The following LIN52 variants were observed in gnomAD, a reference collection of about 807,000 sequenced individuals.
LIN52 encodes protein lin-52 homolog.
LIN52 carries 4 observed loss-of-function variants against 18.5 expected under a neutral mutation model. The observed-to-expected ratio is 0.22, with a 90% CI of 0.11 to 0.49. LIN52 has a LOEUF of 0.49. Ranked by LOEUF, LIN52 falls within the 20% of genes least tolerant of loss-of-function variation. The pLI, the probability that LIN52 is intolerant of heterozygous loss-of-function variation, is 0.97. For synonymous variants in LIN52, 34 were observed against 45.5 expected (o/e 0.75, Z 1.02); for missense variants, 102 against 139.5 (o/e 0.73, Z 1.35).
At chr14:74,125,382 T>G (rs1697149880) in intron 5 of LIN52, among the ~76,000 whole-genome samples, 1 of 152,238 alleles carries the variant, frequency 6.6e-6, no homozygotes, top group South Asian at 2.1e-4. Flanking sequence ...ATGAGCATTT[T>G]TTCATGTGTC....
chr14:74,157,785 C>G (rs1363357048), intron 5 of LIN52, among the ~76,000 whole-genome samples: 1 of 152,124 alleles, frequency 6.6e-6, no homozygotes, highest in Non-Finnish European at 1.5e-5. Context: ...CAGGCTTTCA[C>G]AAAGTGCCTT....
chr14:74,171,494 A>G (rs943112333), intron 5 of LIN52, among the ~76,000 whole-genome samples: 4 of 152,072 alleles, frequency 2.6e-5, no homozygotes. Context: ...TTTAATCTAC[A>G]AAAAATTTTA....
At chr14:74,100,314 C>CT (rs2060844551) in intron 4 of LIN52, among the ~76,000 whole-genome samples, 1 of 151,766 alleles carries the variant, frequency 6.6e-6, no homozygotes, top group African/African-American at 2.4e-5. Flanking sequence ...TTATTTTTTT[C>CT]TTTTTTTATT....
intron 1 of LIN52, 108 bp from the exon 2 acceptor site, chr14:74,091,124 T>C (rs1208057459): frequency 2.9e-6 from 2 of 686,198 alleles, no homozygotes; most frequent in African/African-American, 1.8e-5. Context: ...AGAACTCATA[T>C]CTCTAGACTT....
chr14:74,127,881 CAG>C (rs892885582), intron 5 of LIN52, among the ~76,000 whole-genome samples: 12 of 151,854 alleles, frequency 7.9e-5, no homozygotes, highest in Admixed American at 1.3e-4. Context: ...CTGTCTGGGA[CAG>C]AGAATAAGTC....
intron 5 of LIN52, among the ~76,000 whole-genome samples, chr14:74,138,731 C>T (rs2061112052): frequency 6.8e-6 from 1 of 147,636 alleles, no homozygotes; most frequent in Non-Finnish European, 1.5e-5. Context: ...CCCCTATCCT[C>T]TGCACTCCAG....
chr14:74,184,873 C>T (rs1385581893), intron 5 of LIN52, among the ~76,000 whole-genome samples: 1 of 151,840 alleles, frequency 6.6e-6, no homozygotes, highest in East Asian at 1.9e-4. Context: ...TAGTGGGTGC[C>T]CCTTCAAGTT....
chr14:74,173,809 T>C (rs974715), intron 5 of LIN52, among the ~76,000 whole-genome samples: 26,290 of 152,204 alleles, frequency 0.17, 2,778 homozygotes, highest in East Asian at 0.58. Context: ...TTATGAAGTA[T>C]TTTTTCTTTA....
intron 5 of LIN52, among the ~76,000 whole-genome samples, chr14:74,136,869 A>AGAGTATT (rs1360922796): frequency 1.3e-5 from 2 of 152,170 alleles, no homozygotes; most frequent in African/African-American, 4.8e-5. Context: ...AGGGAGCGTT[A>AGAGTATT]GAGTATTGAT....
At position 74,122,984 on chromosome 14, in the gene LIN52, A is replaced by T. The variant is rs185656016; in HGVS notation, c.283+21746A>T. 6.3e-4 allele frequency among the ~76,000 whole-genome samples: 96 copies of T among 152,276 alleles called. 1 individual carries two copies. The highest frequency in any genetic ancestry group is 1.2e-3 in the Non-Finnish European group (81 of 68,028). On this transcript the variant is annotated intron_variant, in intron 5 of 5. Coordinates refer to ENST00000555028, the MANE Select transcript of LIN52 (RefSeq NM_001024674.3). ...AGGTGTTCCCTGACCACACTTTGAG[A>T]TTTGTTGCCTTAGAGTATTATTTTG...
chr14:74,185,604 C>T (rs558108845), intron 5 of LIN52, among the ~76,000 whole-genome samples: 5 of 152,116 alleles, frequency 3.3e-5, no homozygotes, highest in East Asian at 3.9e-4. Flanking sequence ...TGAGCCACCG[C>T]GCCCAGCCAG....
chr14:74,159,567 G>GTTTTTTTTT (rs11288935), intron 5 of LIN52, among the ~76,000 whole-genome samples: 1 of 133,590 alleles, frequency 7.5e-6, no homozygotes. Flanking sequence ...TGTGGGGTTT[G>GTTTTTTTTT]TTTTTTTTTT....
intron 4 of LIN52, among the ~76,000 whole-genome samples, chr14:74,100,309 T>A (rs551224025): frequency 6.6e-6 from 1 of 152,248 alleles, no homozygotes; most frequent in South Asian, 2.1e-4. Context: ...CTTTATTATT[T>A]TTTTCTTTTT....
intron 5 of LIN52, among the ~76,000 whole-genome samples, chr14:74,180,509 C>T (rs2061313979): frequency 6.6e-6 from 1 of 151,800 alleles, no homozygotes; most frequent in Non-Finnish European, 1.5e-5. Context: ...CCACTCGCCT[C>T]GGCCTCCCAA....
chr14:74,103,326 A>C (rs1595152564), intron 5 of LIN52, among the ~76,000 whole-genome samples: 1 of 150,806 alleles, frequency 6.6e-6, no homozygotes, highest in Non-Finnish European at 1.5e-5. Flanking sequence ...TAATATGCTC[A>C]CCTTGGCCTC....
intron 5 of LIN52, among the ~76,000 whole-genome samples, chr14:74,161,102 T>G (rs2061222506): frequency 6.6e-6 from 1 of 152,244 alleles, no homozygotes; most frequent in South Asian, 2.1e-4. Flanking sequence ...CCTTAATTAG[T>G]ATCACATTGT....
chr14:74,165,513 C>CTTTTTTTTTTTTTTTTTTTTTT (rs71460962), intron 5 of LIN52, among the ~76,000 whole-genome samples: 1 of 110,262 alleles, frequency 9.1e-6, no homozygotes, highest in African/African-American at 3.8e-5. Context: ...GTTTTCTTTT[C>CTTTTTTTTTTTTTTTTTTTTTT]TTTTTTTTTT....
At chr14:74,135,384 A>C (rs1476833208) in intron 5 of LIN52, among the ~76,000 whole-genome samples, 3 of 152,224 alleles carry the variant, frequency 2.0e-5, no homozygotes, top group African/African-American at 7.2e-5. Context: ...GTTTAAAAGC[A>C]GAGTAGGTGA....
intron 1 of LIN52, among the ~76,000 whole-genome samples, chr14:74,088,330 A>G (rs1566842121): frequency 6.6e-6 from 1 of 152,064 alleles, no homozygotes; most frequent in Non-Finnish European, 1.5e-5. Context: ...ACCTCAGGTG[A>G]TGCACTCACC....
Sources: gnomAD v4.1 joint callset for allele counts (sites outside exome capture counted in the v4.1 genomes callset) on GRCh38, gnomAD v4.1.1 for gene constraint, MANE v1.5 for transcripts, NCBI Gene and HGNC (gene_info 2026-07-23, HGNC 2026-07-21) for gene names.